The following RRP15 variants were observed in gnomAD, a reference collection of about 807,000 sequenced individuals.
The protein encoded by RRP15 is ribosomal RNA processing 15 homolog.
In RRP15, 18 loss-of-function variants were observed where a neutral mutation model predicts 27.1. That is an observed-to-expected ratio of 0.66 (90% CI 0.46 to 0.98). The LOEUF is 0.98. RRP15 is among the 50% of genes least tolerant of loss of function. The pLI, the probability that RRP15 is intolerant of heterozygous loss-of-function variation, is 0.00. For missense variants in RRP15, 359 were observed against 337.8 expected (o/e 1.06, Z -0.49); for synonymous variants, 107 against 109.4 (o/e 0.98, Z 0.14).
intron 4 of RRP15, among the ~76,000 whole-genome samples, chr1:218,328,382 G>A (rs570703885): frequency 6.6e-6 from 1 of 152,262 alleles, no homozygotes; most frequent in South Asian, 2.1e-4. Context: ...AGTTTTGTGG[G>A]CTGGGCACGG....
At chr1:218,301,067 C>T (rs1457675100) in intron 1 of RRP15, among the ~76,000 whole-genome samples, 1 of 152,128 alleles carries the variant, frequency 6.6e-6, no homozygotes, top group Non-Finnish European at 1.5e-5. Context: ...TGTAGAGGTA[C>T]TTTGATAGGA....
chr1:218,330,203 T>C (rs1016807879), intron 4 of RRP15, among the ~76,000 whole-genome samples: 6 of 152,166 alleles, frequency 3.9e-5, no homozygotes, highest in African/African-American at 1.4e-4. Flanking sequence ...GAGTGCTGCA[T>C]CTATTGTATT....
chr1:218,331,648 C>T lies in RRP15; in HGVS notation c.*557C>T, dbSNP rs1334551765. On this transcript the variant is annotated 3_prime_UTR_variant, in exon 5 of 5. Transcript: ENST00000366932. The stretch of plus-strand genomic sequence containing the variant: ...ATATGATTTAAGAAACAACAGATTT[C>T]AACTTTTTTTTTTTTTTTTTTTTTT... The T allele has an allele frequency of 5.0e-5, 4 of 79,668 alleles. No individual in the cohort carries two copies. Among genetic ancestry groups the T allele is most frequent in the Admixed American group, 1.5e-4 (1 of 6,774 alleles). The allele number at this position is 79,668 out of a possible 1,614,324, so 4.9% of individuals were successfully genotyped here.
chr1:218,329,996 C>G (rs973418248), intron 4 of RRP15, among the ~76,000 whole-genome samples: 1 of 152,010 alleles, frequency 6.6e-6, no homozygotes, highest in East Asian at 1.9e-4. Context: ...ACACTGTTTT[C>G]TAACCAAATG....
intron 4 of RRP15, among the ~76,000 whole-genome samples, 174 bp from the exon 5 acceptor site, chr1:218,330,774 A>G (rs1292399630): frequency 6.6e-6 from 1 of 152,264 alleles, no homozygotes; most frequent in Admixed American, 6.5e-5. Context: ...ACATTTGTAC[A>G]TATATAATCA....
At chr1:218,293,664 TG>T (rs911302574) in intron 1 of RRP15, among the ~76,000 whole-genome samples, 1 of 152,232 alleles carries the variant, frequency 6.6e-6, no homozygotes, top group Non-Finnish European at 1.5e-5. Flanking sequence ...ATATGTTGTT[TG>T]AATTTTATTT....
intron 3 of RRP15, 47 bp from the exon 4 acceptor site, chr1:218,307,384 T>C (rs967933172): frequency 2.0e-6 from 3 of 1,502,496 alleles, no homozygotes; most frequent in South Asian, 2.4e-5. Flanking sequence ...GTTTGTATTC[T>C]AGGGTAATTA....
intron 4 of RRP15, among the ~76,000 whole-genome samples, chr1:218,329,953 T>C (rs1656340619): frequency 6.6e-6 from 1 of 152,116 alleles, no homozygotes; most frequent in South Asian, 2.1e-4. Flanking sequence ...TATTTTAAAC[T>C]GTTTTTATGT....
intron 4 of RRP15, among the ~76,000 whole-genome samples, chr1:218,329,297 G>C (rs889977547): frequency 6.8e-6 from 1 of 146,526 alleles, no homozygotes; most frequent in Non-Finnish European, 1.5e-5. Context: ...GTGTGCACCT[G>C]TAGTCCCAGC....
intron 1 of RRP15, among the ~76,000 whole-genome samples, chr1:218,289,962 A>G (rs940184627): frequency 2.0e-5 from 3 of 152,168 alleles, no homozygotes; most frequent in Non-Finnish European, 4.4e-5. Context: ...GATTACAGGC[A>G]TGAGCCACTG....
At chr1:218,309,785 A>G (rs1433001621) in intron 4 of RRP15, among the ~76,000 whole-genome samples, 1 of 152,164 alleles carries the variant, frequency 6.6e-6, no homozygotes, top group Non-Finnish European at 1.5e-5. Flanking sequence ...AAGATGGACA[A>G]ATGACTTCAA....
At chr1:218,322,341 A>G (rs1268427829) in intron 4 of RRP15, among the ~76,000 whole-genome samples, 1 of 152,334 alleles carries the variant, frequency 6.6e-6, no homozygotes, top group East Asian at 1.9e-4. Flanking sequence ...TTGGCACACA[A>G]TGAGTTCATA....
chr1:218,323,769 G>A (rs966503775), intron 4 of RRP15, among the ~76,000 whole-genome samples: 11 of 152,336 alleles, frequency 7.2e-5, no homozygotes, highest in East Asian at 1.9e-4. Flanking sequence ...GGCCAAGGGG[G>A]CAGGGGCCTG....
In RRP15 at chr1:218,337,299, A is replaced by G. The variant is rs1656464052; in HGVS notation, c.*6208A>G. 6.6e-6 allele frequency: 1 copy of G among 152,164 alleles called. No homozygotes were observed. Among genetic ancestry groups the G allele is most frequent in the Non-Finnish European group, 1.5e-5 (1 of 68,020 alleles). The allele number at this position is 152,164 out of a possible 1,614,324, so 9.4% of individuals were successfully genotyped here. A position where few individuals can be genotyped will look rare whatever the true frequency, so the allele number is the denominator to read the frequency against. On this transcript the variant is annotated 3_prime_UTR_variant, in exon 5 of 5. Coordinates refer to ENST00000366932, the MANE Select transcript of RRP15 (RefSeq NM_016052.4). ...CCCCCCAACAAAAATTTAAAGTCTA[A>G]CAGGTGGTAGGTGCTTATTGAGGCC... is the stretch of plus-strand genomic sequence containing the variant.
chr1:218,297,223 C>G (rs1655734416), intron 1 of RRP15, among the ~76,000 whole-genome samples: 1 of 152,152 alleles, frequency 6.6e-6, no homozygotes, highest in Non-Finnish European at 1.5e-5. Context: ...GTAATCTGAG[C>G]TCTTAACCCC....
At chr1:218,305,237 T>C (rs1571798961) in intron 3 of RRP15, 112 bp downstream of exon 3, 1 of 742,068 alleles carries the variant, frequency 1.3e-6, no homozygotes, top group Non-Finnish European at 2.3e-6. Flanking sequence ...CCAAGTGATA[T>C]ATATCTAAGC....
intron 4 of RRP15, among the ~76,000 whole-genome samples, chr1:218,330,097 A>G (rs1656342824): frequency 6.6e-6 from 1 of 152,170 alleles, no homozygotes; most frequent in Non-Finnish European, 1.5e-5. Context: ...CCCCCTGAAA[A>G]CAGGAACTTC....
chr1:218,307,972 T>C (rs947749218), intron 4 of RRP15, among the ~76,000 whole-genome samples: 8 of 151,964 alleles, frequency 5.3e-5, no homozygotes, highest in Non-Finnish European at 1.0e-4. Flanking sequence ...TTTAGTGATG[T>C]TTGGTTGAGA....
In RRP15 at chr1:218,334,677, G is replaced by A; in HGVS notation, c.*3586G>A. 1 of 152,172 alleles carries A rather than the reference G, an allele frequency of 6.6e-6. No individual in the cohort carries two copies. The highest frequency in any genetic ancestry group is 1.9e-4 in the East Asian group (1 of 5,188). 9.4% of individuals were successfully genotyped at this position (152,172 alleles called of 1,614,324 possible). A position where few individuals can be genotyped will look rare whatever the true frequency, so the allele number is the denominator to read the frequency against. On this transcript the variant is annotated 3_prime_UTR_variant, in exon 5 of 5. Transcript: ENST00000366932. ...CAAATTCATCTATTAGGATCAATGT[G>A]ATTGACATTTATCTCCACTCTGCAT...
Sources: allele counts gnomAD v4.1 joint callset (sites outside exome capture counted in the v4.1 genomes callset), GRCh38; gene constraint gnomAD v4.1.1; transcripts MANE v1.5; gene names NCBI Gene and HGNC (gene_info 2026-07-23, HGNC 2026-07-21).